The following RUVBL1 variants were observed in gnomAD, a reference collection of about 807,000 sequenced individuals.
RUVBL1 encodes the protein RuvB like AAA ATPase 1.
Under a neutral mutation model 52.4 loss-of-function variants are expected in RUVBL1, and 4 were observed. The ratio of observed to expected loss-of-function variants is 0.08; its 90% confidence interval spans 0.04 to 0.17. RUVBL1 has a LOEUF of 0.17. Among genes scored for constraint, RUVBL1 ranks in the 10% least tolerant of loss-of-function variants. RUVBL1 has a pLI of 1.00. For synonymous variants in RUVBL1, 217 were observed against 214.4 expected (o/e 1.01, Z -0.10); for missense variants, 298 against 572.8 (o/e 0.52, Z 4.90).
At chr3:128,099,033 A>C in intron 6 of RUVBL1, 88 bp from the exon 7 acceptor site, 4 of 1,109,258 alleles carry the variant, frequency 3.6e-6, no homozygotes, top group Non-Finnish European at 5.5e-6. Flanking sequence ...TCAACTCAAC[A>C]TGGGATCCTG....
Position 128,123,565 on chromosome 3 carries a change from C to T in RUVBL1, c.141+19G>A. ...CAGCCCTGCTTGCAGCCCCCAACTCCCTGGTCCACTGGCCACACCTCTCGC... is the reference window on the plus strand; with the variant it reads ...CAGCCCTGCTTGCAGCCCCCAACTCTCTGGTCCACTGGCCACACCTCTCGC... On this transcript the variant is annotated intron_variant, in intron 1 of 10. Transcript: ENST00000322623. 6.3e-7 allele frequency: 1 copy of T among 1,587,894 alleles called. No homozygotes were observed. The highest frequency in any genetic ancestry group is 8.6e-7 in the Non-Finnish European group (1 of 1,164,262).
chr3:128,121,967 TCTAA>T (rs1943660700), intron 1 of RUVBL1, among the ~76,000 whole-genome samples: 1 of 152,124 alleles, frequency 6.6e-6, no homozygotes, highest in African/African-American at 2.4e-5. Context: ...GATCACCTAG[TCTAA>T]CTCTCATTTT....
chr3:128,121,764 A>G (rs1202375967), intron 1 of RUVBL1, among the ~76,000 whole-genome samples: 3 of 151,724 alleles, frequency 2.0e-5, no homozygotes, highest in African/African-American at 7.3e-5. Flanking sequence ...CAACCCTGTC[A>G]TATCATAATC....
chr3:128,113,119 C>A (rs1459429837), intron 2 of RUVBL1, 99 bp from the exon 3 acceptor site: 4 of 1,338,528 alleles, frequency 3.0e-6, no homozygotes, highest in Non-Finnish European at 3.1e-6. Context: ...AACAGCTGAA[C>A]ATCTAGTCCT....
chr3:128,065,786 G>A (rs1020586183), intron 9 of RUVBL1, among the ~76,000 whole-genome samples: 2 of 137,044 alleles, frequency 1.5e-5, no homozygotes, highest in Non-Finnish European at 3.0e-5. Context: ...GCCCAGGCTG[G>A]AGTGCAGTGG....
chr3:128,099,031 A>G (rs941853180), intron 6 of RUVBL1, 86 bp from the exon 7 acceptor site: 52 of 1,128,654 alleles, frequency 4.6e-5, no homozygotes, highest in Non-Finnish European at 6.7e-5. Flanking sequence ...CATCAACTCA[A>G]CATGGGATCC....
chr3:128,109,650 C>T (rs1576465619), intron 3 of RUVBL1, among the ~76,000 whole-genome samples: 1 of 151,968 alleles, frequency 6.6e-6, no homozygotes, highest in Middle Eastern at 3.4e-3. Flanking sequence ...CACGTCACCA[C>T]ACCCAGCTAA....
intron 8 of RUVBL1, among the ~76,000 whole-genome samples, chr3:128,093,004 T>C (rs1942880060): frequency 6.6e-6 from 1 of 151,504 alleles, no homozygotes. Flanking sequence ...TGAGACCCCA[T>C]CTCTACTTTA....
At chr3:128,092,681 A>T (rs1043120132) in intron 8 of RUVBL1, among the ~76,000 whole-genome samples, 2 of 152,248 alleles carry the variant, frequency 1.3e-5, no homozygotes, top group Non-Finnish European at 2.9e-5. Context: ...TAGAATATCT[A>T]TAATCAAAAA....
At chr3:128,100,044 GA>G (rs917713422) in intron 6 of RUVBL1, among the ~76,000 whole-genome samples, 2 of 152,204 alleles carry the variant, frequency 1.3e-5, no homozygotes, top group African/African-American at 4.8e-5. Flanking sequence ...TTTCAAGTCA[GA>G]AAACAAACTA....
chr3:128,079,242 C>A (rs759724294), downstream of RUVBL1, among the ~76,000 whole-genome samples: 1 of 152,252 alleles, frequency 6.6e-6, no homozygotes, highest in Non-Finnish European at 1.5e-5. Flanking sequence ...GCTTCCTTCA[C>A]CTGGCTGGTA....
At chr3:128,084,084 A>C (rs60973377) in intron 9 of RUVBL1, 3 of 152,956 alleles carry the variant, frequency 2.0e-5, no homozygotes, top group African/African-American at 7.3e-5. Context: ...ATCTCAAAAA[A>C]AGAAAGAAAG....
At chr3:128,116,572 A>C (rs1278843756) in intron 2 of RUVBL1, among the ~76,000 whole-genome samples, 2 of 151,912 alleles carry the variant, frequency 1.3e-5, no homozygotes, top group Non-Finnish European at 2.9e-5. Context: ...CAATTTATGC[A>C]GTGTGTAATC....
chr3:128,082,467 C>T lies in RUVBL1; in HGVS notation c.1211+16G>A. ...TGTGCTGGGGAGGCCCCGGCGGGCC[C>T]AGGGTACCAGCTCACCTCAGTGTGG... On this transcript the variant is annotated intron_variant, in intron 10 of 10. Transcript: ENST00000322623. The surrounding 1 kb of genome is among the most constrained non-coding windows in gnomAD (Gnocchi z 4.7). 6.2e-7 allele frequency: 1 copy of T among 1,609,140 alleles called. No homozygotes were observed. Among genetic ancestry groups the T allele is most frequent in the Non-Finnish European group, 8.5e-7 (1 of 1,176,152 alleles).
intron 1 of RUVBL1, among the ~76,000 whole-genome samples, chr3:128,150,814 T>TTATATATTCTATATATTATATATTCTA (rs1944181420): frequency 1.1e-5 from 1 of 91,004 alleles, no homozygotes; most frequent in Non-Finnish European, 2.0e-5. Flanking sequence ...ATTCTATATA[T>TTATATATTCTATATATTATATATTCTA]TATATATTCT....
chr3:128,066,441 G>T (rs897933447), intron 9 of RUVBL1, among the ~76,000 whole-genome samples: 2 of 152,016 alleles, frequency 1.3e-5, no homozygotes, highest in African/African-American at 4.8e-5. Context: ...TGTTTTGTGT[G>T]AGACAGGGTC....
At chr3:128,079,867 G>A (rs1247479393), downstream of RUVBL1, among the ~76,000 whole-genome samples, 1 of 152,212 alleles carries the variant, frequency 6.6e-6, no homozygotes, top group Non-Finnish European at 1.5e-5. Flanking sequence ...CTAAAGCACT[G>A]GACCAAGATG....
rs1360784826 is a variant in RUVBL1, at chr3:128,081,523, G to A, written c.1212-114C>T. The A allele has an allele frequency of 2.8e-6, 3 of 1,079,056 alleles. No homozygotes were observed. In the African/African-American group the frequency reaches 4.8e-5, roughly 17 times the overall value. The allele number at this position is 1,079,056 out of a possible 1,614,324, so 66.8% of individuals were successfully genotyped here. On this transcript the variant is annotated intron_variant, in intron 10 of 10. Coordinates refer to ENST00000322623, the MANE Select transcript of RUVBL1 (RefSeq NM_003707.3). The surrounding 1 kb of genome is among the most constrained non-coding windows in gnomAD (Gnocchi z 4.8). The stretch of plus-strand genomic sequence containing the variant: ...AGGAGCAGAGCCCAGTGCTGGGCTT[G>A]TGCCAGCTGCTACGAACACAGAAAA...
At chr3:128,100,965 C>G (rs1312557151) in intron 5 of RUVBL1, among the ~76,000 whole-genome samples, 1 of 152,196 alleles carries the variant, frequency 6.6e-6, no homozygotes, top group Non-Finnish European at 1.5e-5. Flanking sequence ...ATACTTTCTC[C>G]CAAAATCCTT....
Sources: gnomAD v4.1 joint callset for allele counts (sites outside exome capture counted in the v4.1 genomes callset) on GRCh38, gnomAD v4.1.1 for gene constraint, Gnocchi (gnomAD v3.1) non-coding constraint, MANE v1.5 for transcripts, NCBI Gene and HGNC (gene_info 2026-07-23, HGNC 2026-07-21) for gene names.